The following SLX4IP variants were observed in gnomAD, a reference collection of about 807,000 sequenced individuals.
The protein encoded by SLX4IP is SLX4 interacting protein.
SLX4IP carries 34 observed loss-of-function variants against 32.9 expected under a neutral mutation model. The observed-to-expected ratio is 1.03, with a 90% confidence interval of 0.79 to 1.38. The LOEUF is 1.38. SLX4IP is among the 40% of genes most tolerant of loss of function. The pLI is 0.00. For missense variants in SLX4IP, 444 were observed against 479.0 expected, an observed-to-expected ratio of 0.93 and a Z score of 0.68; for synonymous variants, 172 against 171.7, an observed-to-expected ratio of 1.00 and a Z score of -0.01.
chr20:10,559,549 A>G (rs1218065941), intron 3 of SLX4IP, among the ~76,000 whole-genome samples: 1 of 152,184 alleles, frequency 6.6e-6, no homozygotes, highest in Non-Finnish European at 1.5e-5. Context: ...GTTCTTATAC[A>G]TCAGTTCTTA....
intron 2 of SLX4IP, among the ~76,000 whole-genome samples, chr20:10,487,047 G>A (rs898423510): frequency 1.5e-4 from 23 of 152,186 alleles, no homozygotes; most frequent in African/African-American, 5.1e-4. Context: ...CAGAGGTTTG[G>A]ATTAGAGCCG....
At chr20:10,622,434 A>T (rs181139784) in intron 7 of SLX4IP, among the ~76,000 whole-genome samples, 1 of 152,344 alleles carries the variant, frequency 6.6e-6, no homozygotes, top group Non-Finnish European at 1.5e-5. Flanking sequence ...CCAATGATTG[A>T]TAAGCAGTAT....
intron 4 of SLX4IP, among the ~76,000 whole-genome samples, chr20:10,562,608 C>T (rs1294554705): frequency 6.6e-6 from 1 of 152,164 alleles, no homozygotes; most frequent in African/African-American, 2.4e-5. Context: ...AACAGGAGTG[C>T]CTGTCCTCAC....
At chr20:10,564,603 T>G (rs2066369507) in intron 4 of SLX4IP, among the ~76,000 whole-genome samples, 1 of 152,230 alleles carries the variant, frequency 6.6e-6, no homozygotes, top group Non-Finnish European at 1.5e-5. Flanking sequence ...TAATATTTTT[T>G]ATGCTTTGAG....
chr20:10,540,715 A>G (rs1171839563), intron 2 of SLX4IP, among the ~76,000 whole-genome samples: 2 of 152,190 alleles, frequency 1.3e-5, no homozygotes, highest in Non-Finnish European at 2.9e-5. Flanking sequence ...TCAACTAGAA[A>G]AGGAAAGTAG....
intron 2 of SLX4IP, among the ~76,000 whole-genome samples, chr20:10,472,056 C>T (rs1403285941): frequency 6.6e-6 from 1 of 152,112 alleles, no homozygotes; most frequent in African/African-American, 2.4e-5. Flanking sequence ...ATAACTGCCT[C>T]TTGATGGAAG....
At chr20:10,534,245 C>T (rs1009014147) in intron 2 of SLX4IP, among the ~76,000 whole-genome samples, 1 of 152,090 alleles carries the variant, frequency 6.6e-6, no homozygotes, top group African/African-American at 2.4e-5. Context: ...GGCCCTGAGT[C>T]GGGGAGTGAG....
chr20:10,529,590 C>CAAAAAAAAAA (rs71334410), intron 2 of SLX4IP, among the ~76,000 whole-genome samples: 1 of 53,642 alleles, frequency 1.9e-5, no homozygotes, highest in Non-Finnish European at 3.2e-5. Flanking sequence ...GACTCCATCT[C>CAAAAAAAAAA]AAAAAAAAAA....
At chr20:10,560,935 A>C in intron 4 of SLX4IP, 115 bp downstream of exon 4, 1 of 1,044,534 alleles carries the variant, frequency 9.6e-7, no homozygotes, top group Non-Finnish European at 1.3e-6. Flanking sequence ...CATTTTAAAA[A>C]TATGTCCTAA....
At chr20:10,509,150 C>T (rs1023554361) in intron 2 of SLX4IP, among the ~76,000 whole-genome samples, 12 of 152,120 alleles carry the variant, frequency 7.9e-5, no homozygotes, top group African/African-American at 2.7e-4. Flanking sequence ...GCCAGGGGCA[C>T]GGAGTCTCTT....
At chr20:10,547,621 G>A (rs1308151225) in intron 2 of SLX4IP, among the ~76,000 whole-genome samples, 1 of 152,208 alleles carries the variant, frequency 6.6e-6, no homozygotes, top group African/African-American at 2.4e-5. Flanking sequence ...TGGGGAAATA[G>A]CCATTCCAAT....
At chr20:10,556,690 G>A (rs901186766) in intron 3 of SLX4IP, among the ~76,000 whole-genome samples, 1 of 152,176 alleles carries the variant, frequency 6.6e-6, no homozygotes, top group Non-Finnish European at 1.5e-5. Flanking sequence ...ACCTGAAGCA[G>A]GTGTGGCAGT....
rs1055353020 is a variant in SLX4IP at position 10,623,014 on chromosome 20, C to T, written c.862C>T (p.Arg288Ter). Residue 288 changes from arginine (R) to a stop codon, truncating the protein, a stop_gained, in exon 8 of 8, where the codon CGA (arginine) becomes TGA (stop). Coordinates refer to ENST00000334534, the MANE Select transcript of SLX4IP (RefSeq NM_001009608.3). LOFTEE classifies it high-confidence loss of function. ...SASPCPKQSP[R>*]VAKTQQKRRN... Reference sequence around the variant, plus strand: ...ATCACCATGTCCAAAACAAAGTCCACGAGTGGCCAAAACCCAACAGAAACG... The same window carrying T: ...ATCACCATGTCCAAAACAAAGTCCATGAGTGGCCAAAACCCAACAGAAACG... 5 of 1,614,046 alleles carry T rather than the reference C, an allele frequency of 3.1e-6. 1 individual carries two copies. Among genetic ancestry groups the T allele is most frequent in the South Asian group, 2.2e-5 (2 of 91,092 alleles).
At chr20:10,560,609 A>G (rs1212241224) in intron 3 of SLX4IP, 91 bp from the exon 4 acceptor site, 2 of 998,754 alleles carry the variant, frequency 2.0e-6, no homozygotes, top group Non-Finnish European at 2.7e-6. Flanking sequence ...AAGCAAAATG[A>G]AATGAAATGT....
At chr20:10,445,747 C>A (rs2065197344) in intron 1 of SLX4IP, among the ~76,000 whole-genome samples, 1 of 151,642 alleles carries the variant, frequency 6.6e-6, no homozygotes, top group Admixed American at 6.6e-5. Flanking sequence ...GCCTCGGCCT[C>A]CTGAGTAGCT....
chr20:10,583,490 C>T (rs574717393), intron 4 of SLX4IP, among the ~76,000 whole-genome samples: 3 of 152,240 alleles, frequency 2.0e-5, no homozygotes, highest in South Asian at 2.1e-4. Context: ...TTTAAGAAAG[C>T]GGGTCAAATG....
At chr20:10,538,157 A>G (rs895677854) in intron 2 of SLX4IP, among the ~76,000 whole-genome samples, 5 of 151,952 alleles carry the variant, frequency 3.3e-5, no homozygotes, top group Non-Finnish European at 7.4e-5. Context: ...CAGCATCCAC[A>G]CTCTTTGGCT....
At chr20:10,568,926 A>T (rs1184169748) in intron 4 of SLX4IP, among the ~76,000 whole-genome samples, 1 of 152,230 alleles carries the variant, frequency 6.6e-6, no homozygotes, top group African/African-American at 2.4e-5. Context: ...GGAACCCAAG[A>T]ATTATCTCAG....
At chr20:10,517,565 C>T (rs936039776) in intron 2 of SLX4IP, among the ~76,000 whole-genome samples, 20 of 152,338 alleles carry the variant, frequency 1.3e-4, no homozygotes, top group Admixed American at 1.1e-3. Context: ...AGTTGCACTC[C>T]TAGCTCCTTG....
Sources: allele counts gnomAD v4.1 joint callset (sites outside exome capture counted in the v4.1 genomes callset), GRCh38; gene constraint gnomAD v4.1.1; transcripts MANE v1.5; gene names NCBI Gene and HGNC (gene_info 2026-07-23, HGNC 2026-07-21).